Variants in ZC4H2 observed in about 807,000 individuals in gnomAD.
ZC4H2 encodes zinc finger C4H2-type containing, also known as zinc finger C4H2 domain-containing protein.
For missense variants in ZC4H2, 137 were observed against 173.9 expected (o/e 0.79, Z 1.19); for synonymous variants, 84 against 66.3 (o/e 1.27, Z -1.30).
intron 1 of ZC4H2, among the ~76,000 whole-genome samples, chrX:64,955,811 C>A (rs891226997): frequency 8.9e-6 from 1 of 111,986 alleles, no homozygotes; most frequent in Non-Finnish European, 1.9e-5. Flanking sequence ...ACATGGATAA[C>A]CTTATACTTT....
intron 1 of ZC4H2, among the ~76,000 whole-genome samples, chrX:65,010,248 T>G (rs1932736542): frequency 8.9e-6 from 1 of 112,221 alleles, no homozygotes; most frequent in South Asian, 3.7e-4. Flanking sequence ...AAGACCCTTA[T>G]TGTTTGTGTT....
intron 1 of ZC4H2, among the ~76,000 whole-genome samples, chrX:64,948,679 G>A (rs186181231): frequency 1.8e-5 from 2 of 111,400 alleles, no homozygotes; most frequent in East Asian, 5.7e-4. Context: ...TTACTTGCCA[G>A]GTTTTCTACC....
intron 1 of ZC4H2, among the ~76,000 whole-genome samples, chrX:64,926,331 A>C (rs1310610449): frequency 8.9e-6 from 1 of 111,770 alleles, no homozygotes; most frequent in African/African-American, 3.3e-5. Flanking sequence ...ATCTAGACTC[A>C]CTCTAATTTT....
intron 1 of ZC4H2, among the ~76,000 whole-genome samples, chrX:64,928,101 C>T (rs769199078): frequency 4.7e-4 from 52 of 111,817 alleles, no homozygotes; most frequent in African/African-American, 1.4e-3. Flanking sequence ...TAGTTTTTTT[C>T]GCTATGCAGA....
intron 1 of ZC4H2, among the ~76,000 whole-genome samples, chrX:65,024,550 A>G (rs1273761729): frequency 1.8e-5 from 2 of 111,940 alleles, no homozygotes; most frequent in East Asian, 5.6e-4. Context: ...AAGAATATAG[A>G]TCATTATATG....
intron 1 of ZC4H2, among the ~76,000 whole-genome samples, chrX:64,930,966 T>C (rs1410699071): frequency 8.9e-6 from 1 of 112,165 alleles, no homozygotes; most frequent in Non-Finnish European, 1.9e-5. Flanking sequence ...TCTGATAGAA[T>C]TCAGCTGTGA....
intron 1 of ZC4H2, among the ~76,000 whole-genome samples, chrX:64,950,629 G>T (rs761123593): frequency 1.8e-5 from 2 of 109,958 alleles, no homozygotes; most frequent in Admixed American, 9.7e-5. Context: ...TTTTGATCTT[G>T]GTTGGTTTAA....
At chrX:65,031,683 G>A (rs1479503978) in intron 1 of ZC4H2, among the ~76,000 whole-genome samples, 3 of 111,849 alleles carry the variant, frequency 2.7e-5, no homozygotes, top group Non-Finnish European at 5.6e-5. Flanking sequence ...AGACTACAGA[G>A]TCTCAGTCTC....
At chrX:64,955,850 G>C (rs1243770584) in intron 1 of ZC4H2, among the ~76,000 whole-genome samples, 1 of 111,977 alleles carries the variant, frequency 8.9e-6, no homozygotes, top group Non-Finnish European at 1.9e-5. Flanking sequence ...GCTCAATGTA[G>C]ACAAGAAGCT....
chrX:64,928,675 CTT>C (rs1491561047), intron 1 of ZC4H2, among the ~76,000 whole-genome samples: 11 of 104,893 alleles, frequency 1.0e-4, no homozygotes, highest in Non-Finnish European at 1.4e-4. Flanking sequence ...TCTTCTTCTT[CTT>C]CTTCTTCCTC....
intron 1 of ZC4H2, among the ~76,000 whole-genome samples, chrX:64,942,099 C>T (rs1407648478): frequency 1.8e-5 from 2 of 111,591 alleles, no homozygotes; most frequent in Non-Finnish European, 3.8e-5. Flanking sequence ...AGGGATTCAA[C>T]TTCCCTCTAG....
intron 1 of ZC4H2, among the ~76,000 whole-genome samples, chrX:65,022,282 T>C (rs1388846072): frequency 1.8e-5 from 2 of 111,784 alleles, no homozygotes; most frequent in Non-Finnish European, 3.8e-5. Context: ...CTCAATAAGA[T>C]ACTGGCAAAC....
chrX:65,013,658 C>T (rs762388321), intron 1 of ZC4H2, among the ~76,000 whole-genome samples: 28 of 111,357 alleles, frequency 2.5e-4, no homozygotes, highest in Non-Finnish European at 4.5e-4. Context: ...CAACGACCAT[C>T]TGAACTTGAA....
chrX:65,022,091 A>G (rs1183666265), intron 1 of ZC4H2, among the ~76,000 whole-genome samples: 1 of 112,093 alleles, frequency 8.9e-6, no homozygotes, highest in East Asian at 2.8e-4. Flanking sequence ...GAATTCTACC[A>G]GAGGTACAAA....
chrX:64,953,641 T>A (rs1390671804), intron 1 of ZC4H2, among the ~76,000 whole-genome samples: 1 of 109,537 alleles, frequency 9.1e-6, no homozygotes, highest in Non-Finnish European at 1.9e-5. Context: ...CACACCAGAA[T>A]GGCGATCATT....
intron 1 of ZC4H2, among the ~76,000 whole-genome samples, chrX:64,925,700 C>T (rs1041817216): frequency 2.7e-5 from 3 of 111,882 alleles, no homozygotes; most frequent in African/African-American, 9.8e-5. Flanking sequence ...GACATTAATG[C>T]CAAAATAAAC....
At chrX:64,974,037 A>G (rs1451761341) in intron 1 of ZC4H2, among the ~76,000 whole-genome samples, 1 of 111,567 alleles carries the variant, frequency 9.0e-6, no homozygotes, top group African/African-American at 3.3e-5. Context: ...GATTTTAGTC[A>G]TTATTTTTCC....
chrX:64,997,155 C>T (rs1932430808), intron 1 of ZC4H2, among the ~76,000 whole-genome samples: 1 of 112,043 alleles, frequency 8.9e-6, no homozygotes, highest in Non-Finnish European at 1.9e-5. Context: ...ACAGCTGATT[C>T]TCATCAGAAA....
At chrX:64,935,810 C>T (rs1395431598) in intron 1 of ZC4H2, among the ~76,000 whole-genome samples, 2 of 111,238 alleles carry the variant, frequency 1.8e-5, no homozygotes, top group Non-Finnish European at 3.8e-5. Context: ...AGGTCACTAA[C>T]ATAAAAACCA....
Sources: gnomAD v4.1 joint callset for allele counts (sites outside exome capture counted in the v4.1 genomes callset) on GRCh38, gnomAD v4.1.1 for gene constraint, MANE v1.5 for transcripts, NCBI Gene and HGNC (gene_info 2026-07-23, HGNC 2026-07-21) for gene names.